RBM17: variants seen among roughly 807,000 people sequenced by gnomAD.
RBM17 encodes the protein RNA binding motif protein 17, also known as splicing factor 45.
Under a neutral mutation model 53.2 loss-of-function variants are expected in RBM17, and 7 were observed. The observed-to-expected ratio is 0.13, with a 90% CI of 0.07 to 0.25. The LOEUF (loss-of-function observed/expected upper bound fraction) is 0.25. RBM17 is among the 10% of genes least tolerant of loss of function. RBM17 has a pLI of 1.00. For synonymous variants in RBM17, 167 were observed against 178.1 expected (o/e 0.94, Z 0.50); for missense variants, 257 against 496.7 (o/e 0.52, Z 4.59).
intron 2 of RBM17, among the ~76,000 whole-genome samples, chr10:6,099,727 C>T (rs372381987): frequency 3.3e-5 from 5 of 151,728 alleles, no homozygotes; most frequent in Non-Finnish European, 7.4e-5. Flanking sequence ...TACAGAGGGC[C>T]AACTCTATAT....
At chr10:6,115,121 C>A in intron 10 of RBM17, 118 bp from the exon 11 acceptor site, 1 of 776,760 alleles carries the variant, frequency 1.3e-6, no homozygotes, top group Non-Finnish European at 2.1e-6. Context: ...TATTTGACAA[C>A]TACTTGACTG....
At chr10:6,104,106 G>A (rs915989382) in intron 3 of RBM17, among the ~76,000 whole-genome samples, 1 of 152,216 alleles carries the variant, frequency 6.6e-6, no homozygotes, top group Non-Finnish European at 1.5e-5. Flanking sequence ...GAAGGTTTAG[G>A]AAAGTGGGGT....
rs1396663424 is a variant in RBM17, at chr10:6,092,163, A to T, written c.-19+2970A>T. On this transcript the variant is annotated intron_variant, in intron 1 of 11. Transcript: ENST00000379888. ...ATATTTTAAAGTTATAAAAACCAGC[A>T]ATTTGTATTTACTTTTGATCCTGGC... 2.6e-5 allele frequency among the ~76,000 whole-genome samples: 4 copies of T among 152,210 alleles called. No homozygotes were observed. In the East Asian group the frequency reaches 7.7e-4, roughly 29 times the overall value.
At chr10:6,096,438 A>G (rs1340412162) in intron 1 of RBM17, among the ~76,000 whole-genome samples, 1 of 152,174 alleles carries the variant, frequency 6.6e-6, no homozygotes, top group Non-Finnish European at 1.5e-5. Context: ...GCTCGTTCAC[A>G]TGCAGATTGT....
chr10:6,113,782 G>A (rs920139026), intron 9 of RBM17: 1 of 587,186 alleles, frequency 1.7e-6, no homozygotes, highest in East Asian at 2.8e-5. Flanking sequence ...AGACTGCAGT[G>A]AGTAATTAAA....
At chr10:6,107,509 T>A (rs1182774065) in intron 5 of RBM17, among the ~76,000 whole-genome samples, 2 of 83,170 alleles carry the variant, frequency 2.4e-5, no homozygotes, top group South Asian at 4.3e-4. Context: ...TTGGAGACAC[T>A]CTTGCTCTGT....
intron 9 of RBM17, chr10:6,113,837 C>G (rs1840873283): frequency 5.1e-6 from 3 of 585,848 alleles, no homozygotes; most frequent in Non-Finnish European, 9.1e-6. Flanking sequence ...CATTTTGGTG[C>G]TTGCATAGAT....
Position 6,105,108 on chromosome 10 carries a change from C to G in RBM17, c.407+11C>G, listed in dbSNP as rs754530184. ...AGAAGAAAGGGAAAAGTAAGGCTTC[C>G]TTTGGATTTGGGGATATTTTACAGT... On this transcript the variant is annotated intron_variant, in intron 4 of 11. Coordinates refer to ENST00000379888, the MANE Select transcript of RBM17 (RefSeq NM_032905.5). The G allele has an allele frequency of 6.2e-7, 1 of 1,609,724 alleles. No homozygotes were observed. Among genetic ancestry groups the G allele is most frequent in the Middle Eastern group, 1.7e-4 (1 of 6,046 alleles).
At chr10:6,113,793 T>G in intron 9 of RBM17, 3 of 584,608 alleles carry the variant, frequency 5.1e-6, no homozygotes, top group Non-Finnish European at 9.1e-6. Context: ...AGTAATTAAA[T>G]ATTTGAAATT....
At chr10:6,090,682 C>G (rs1334023327) in intron 1 of RBM17, among the ~76,000 whole-genome samples, 1 of 152,160 alleles carries the variant, frequency 6.6e-6, no homozygotes, top group East Asian at 1.9e-4. Flanking sequence ...GGCTAGTCAT[C>G]TCTCAAACCT....
chr10:6,099,109 T>C lies in RBM17; in HGVS notation c.123+1921T>C, dbSNP rs79793051. On this transcript the variant is annotated intron_variant, in intron 2 of 11. Transcript: ENST00000379888. ...CTCTTTAATTTTTTTTAAAAGTACA[T>C]TTATAAAATCTTTGTAGATTTCATG... Among the ~76,000 whole-genome samples, 857 of 152,176 alleles carry C rather than the reference T, an allele frequency of 5.6e-3. 7 individuals are homozygous for C. The highest frequency in any genetic ancestry group is 0.019 in the African/African-American group (790 of 41,538).
chr10:6,099,827 G>A (rs529260881), intron 2 of RBM17, among the ~76,000 whole-genome samples: 61 of 152,254 alleles, frequency 4.0e-4, no homozygotes, highest in Admixed American at 1.5e-3. Context: ...GGAGGCCAAG[G>A]CGGGTGGATC....
rs1207429985 is a variant in RBM17 at position 6,112,874 on chromosome 10, T to C, written c.856+513T>C. 5.8e-6 allele frequency: 1 copy of C among 173,804 alleles called. No individual in the cohort carries two copies. The highest frequency in any genetic ancestry group is 1.3e-5 in the Non-Finnish European group (1 of 79,224). 10.8% of individuals were successfully genotyped at this position (173,804 alleles called of 1,614,324 possible). A position where few individuals can be genotyped will look rare whatever the true frequency, so the allele number is the denominator to read the frequency against. On this transcript the variant is annotated intron_variant, in intron 8 of 11. Transcript: ENST00000379888. This position sits in a 1 kb window ranked among gnomAD's most constrained non-coding sequence, Gnocchi z 4.4. Reference sequence around the variant, plus strand: ...CTCTTGGTAAATGATGCCTAGTTGGTGTTTTATTTTCATTTAATTTTTACA... The same window carrying C: ...CTCTTGGTAAATGATGCCTAGTTGGCGTTTTATTTTCATTTAATTTTTACA...
At chr10:6,099,208 G>A (rs2132943016) in intron 2 of RBM17, among the ~76,000 whole-genome samples, 1 of 152,004 alleles carries the variant, frequency 6.6e-6, no homozygotes, top group Admixed American at 6.5e-5. Context: ...TAAAACTTGA[G>A]GTAGCTTGTG....
intron 1 of RBM17, among the ~76,000 whole-genome samples, chr10:6,094,274 G>A (rs896980624): frequency 2.2e-4 from 34 of 152,140 alleles, no homozygotes; most frequent in African/African-American, 7.7e-4. Context: ...CACCGCACCC[G>A]GCCTGGTGTG....
In RBM17 at chr10:6,112,701, CAG is replaced by C. The variant is rs1337463654; in HGVS notation, c.856+343_856+344del. On this transcript the variant is annotated intron_variant, in intron 8 of 11. Transcript: ENST00000379888. This position sits in a 1 kb window ranked among gnomAD's most constrained non-coding sequence, Gnocchi z 4.4. ...GGTTATGTGTTTAGAGCATGAAGGA[CAG>C]AGCCATATAGTGTGGCAGTGAATAT... 4 of 369,586 alleles carry C rather than the reference CAG, an allele frequency of 1.1e-5. No homozygotes were observed. Among genetic ancestry groups the C allele is most frequent in the African/African-American group, 8.4e-5 (4 of 47,520 alleles). 22.9% of individuals were successfully genotyped at this position (369,586 alleles called of 1,614,324 possible).
rs1049136310 is a variant in RBM17, at chr10:6,096,921, G to C, written c.-18-127G>C. 15 of 696,418 alleles carry C rather than the reference G, an allele frequency of 2.2e-5. No homozygotes were observed. The African/African-American group carries it at 2.5e-4, about 12-fold the overall frequency. The allele number at this position is 696,418 out of a possible 1,614,324, so 43.1% of individuals were successfully genotyped here. On this transcript the variant is annotated intron_variant, in intron 1 of 11. Transcript: ENST00000379888. ...AATAGCCCTACATTAATGGTACCAG[G>C]AGCCTGGGCCTCTGTTGCTGAAAGG...
intron 3 of RBM17, among the ~76,000 whole-genome samples, chr10:6,102,749 C>T (rs1185830406): frequency 6.6e-6 from 1 of 152,190 alleles, no homozygotes. Flanking sequence ...TGTAAAACCA[C>T]CTAGATTTGC....
chr10:6,096,395 G>A (rs189482170), intron 1 of RBM17, among the ~76,000 whole-genome samples: 1 of 152,114 alleles, frequency 6.6e-6, no homozygotes, highest in African/African-American at 2.4e-5. Flanking sequence ...TTGTTTCCAC[G>A]TGTTCCTCTG....
Sources: allele counts gnomAD v4.1 joint callset (sites outside exome capture counted in the v4.1 genomes callset), GRCh38; gene constraint gnomAD v4.1.1; non-coding constraint Gnocchi (gnomAD v3.1); transcripts MANE v1.5; gene names NCBI Gene and HGNC (gene_info 2026-07-23, HGNC 2026-07-21).